The following PXDN variants were observed in gnomAD, a reference collection of about 807,000 sequenced individuals.
PXDN encodes the protein peroxidasin homolog.
PXDN carries 77 observed loss-of-function variants against 140.3 expected under a neutral mutation model. The ratio of observed to expected loss-of-function variants is 0.55; its 90% CI spans 0.46 to 0.66. The LOEUF is 0.66. Ranked by LOEUF, PXDN falls within the 30% of genes least tolerant of loss-of-function variation. The pLI, the probability that PXDN is intolerant of heterozygous loss-of-function variation, is 0.00. For missense variants in PXDN, 1,838 were observed against 2,039.5 expected (o/e 0.90, Z 1.90); for synonymous variants, 911 against 857.4 (o/e 1.06, Z -1.09).
At position 1,636,512 on chromosome 2, in the gene PXDN, A is replaced by C. The variant is rs564121940; in HGVS notation, c.4207-991T>G. Reference sequence around the variant, plus strand: ...AAAAAGGTGGACGTCCCCTCACCGTACCATCTGCATTTCATAATGACAGCT... The same window carrying C: ...AAAAAGGTGGACGTCCCCTCACCGTCCCATCTGCATTTCATAATGACAGCT... On this transcript the variant is annotated intron_variant, in intron 21 of 22. Coordinates refer to ENST00000252804, the MANE Select transcript of PXDN (RefSeq NM_012293.3). 2.0e-5 allele frequency: 3 copies of C among 152,288 alleles called. No individual in the cohort carries two copies. The East Asian group carries it at 5.8e-4, about 29-fold the overall frequency. 9.4% of individuals were successfully genotyped at this position (152,288 alleles called of 1,614,324 possible). A position where few individuals can be genotyped will look rare whatever the true frequency, so the allele number is the denominator to read the frequency against.
In PXDN at chr2:1,648,662, C is replaced by G; in HGVS notation, c.3118G>C (p.Gly1040Arg). ...TYQHWLPKIL[G>R]EVGMRTLGEY... is the part of the protein sequence containing the mutation. ...CCCAGCGTCCTCATGCCCACCTCCC[C>G]CAGGATCTTCGGGAGCCAGTGCTGG... is the stretch of plus-strand genomic sequence containing the variant. The change falls in exon 17 of 23, where the codon GGG becomes CGG. Residue 1040 changes from glycine (G) to arginine (R), a missense_variant. Physicochemically the swap from Gly to Arg is moderately radical, Grantham distance 125. Coordinates refer to ENST00000252804, the MANE Select transcript of PXDN (RefSeq NM_012293.3). The surrounding 1 kb of genome is among the most constrained non-coding windows in gnomAD (Gnocchi z 8.9). The G allele has an allele frequency of 1.2e-6, 2 of 1,609,048 alleles. No individual in the cohort carries two copies. Among genetic ancestry groups the G allele is most frequent in the Non-Finnish European group, 1.7e-6 (2 of 1,178,134 alleles).
intron 21 of PXDN, 142 bp downstream of exon 21, chr2:1,638,703 AC>A: frequency 7.7e-7 from 1 of 1,304,784 alleles, no homozygotes; most frequent in Middle Eastern, 2.7e-4. Flanking sequence ...CAGAAATGAC[AC>A]CCCCAAGGCT....
rs763178030 is a variant in PXDN, at chr2:1,684,167, G to GA, written c.417-17dup. On this transcript the variant is annotated splice_polypyrimidine_tract_variant and intron_variant, in intron 4 of 22. Coordinates refer to ENST00000252804, the MANE Select transcript of PXDN (RefSeq NM_012293.3). The stretch of plus-strand genomic sequence containing the variant: ...GTGCAGGTATCTAGAGGAGTTAAAA[G>GA]AAAAAAAAGTATAACTTACAATTTA... 39 of 1,544,404 alleles carry GA rather than the reference G, an allele frequency of 2.5e-5. No individual in the cohort carries two copies. The highest frequency in any genetic ancestry group is 4.9e-5 in the South Asian group (4 of 82,206).
At chr2:1,692,637 C>T (rs545555871) in intron 2 of PXDN, 73 of 472,696 alleles carry the variant, frequency 1.5e-4, no homozygotes, top group African/African-American at 1.4e-3. Context: ...CCTGCCTGCT[C>T]CCTCCAGGCA....
Position 1,679,162 on chromosome 2 carries a change from GGTGA to G in PXDN, c.730+1027_730+1030del, listed in dbSNP as rs370349995. Among the ~76,000 whole-genome samples the G allele has an allele frequency of 4.4e-3, 654 of 149,776 alleles. 8 individuals carry two copies. Among genetic ancestry groups the G allele is most frequent in the African/African-American group, 0.014 (583 of 40,608 alleles). ...GTGGATGGTGTGTGCATGTGTGTGT[GGTGA>G]GTGTGTGGTGTGTGCGTGTATGTGC... is the stretch of plus-strand genomic sequence containing the variant. On this transcript the variant is annotated intron_variant, in intron 7 of 22. Coordinates refer to ENST00000252804, the MANE Select transcript of PXDN (RefSeq NM_012293.3).
chr2:1,643,240 T>C, intron 19 of PXDN, 128 bp downstream of exon 19: 1 of 1,008,712 alleles, frequency 9.9e-7, no homozygotes, highest in Non-Finnish European at 1.4e-6. Flanking sequence ...ACGATTTAAA[T>C]CTAAAGCTGA....
Position 1,680,032 on chromosome 2 carries a change from CGT to C in PXDN, c.730+159_730+160del, listed in dbSNP as rs1170375025. On this transcript the variant is annotated intron_variant, in intron 7 of 22. Transcript: ENST00000252804. ...TGTGGATGGTGTATGCGTGTATGTGCGTGTGTGTGGTTTGTGTCTGCGCGTGT... is the reference window on the plus strand; with the variant it reads ...TGTGGATGGTGTATGCGTGTATGTGCGTGTGTGGTTTGTGTCTGCGCGTGT... 5.4e-5 allele frequency among the ~76,000 whole-genome samples: 7 copies of C among 130,418 alleles called. No homozygotes were observed. The East Asian group carries it at 7.1e-4, about 13-fold the overall frequency. 85.6% of individuals were successfully genotyped at this position (130,418 alleles called of 152,430 possible).
At chr2:1,679,753 CGTGT>C (rs1305182812) in intron 7 of PXDN, among the ~76,000 whole-genome samples, 628 of 125,530 alleles carry the variant, frequency 5.0e-3, no homozygotes, top group Non-Finnish European at 7.8e-3. Flanking sequence ...CGTGTATGTG[CGTGT>C]GTGTGGTTTG....
Position 1,719,833 on chromosome 2 carries a change from ATT to A in PXDN, c.200+24421_200+24422del, listed in dbSNP as rs1491195360. On this transcript the variant is annotated intron_variant, in intron 1 of 22. Coordinates refer to ENST00000252804, the MANE Select transcript of PXDN (RefSeq NM_012293.3). ...CCACAGGATGTGTGTACATGCGTGC[ATT>A]GTGTGTGTGTGTGTGTGTGTGTGTG... Among the ~76,000 whole-genome samples the A allele has an allele frequency of 5.8e-3, 540 of 92,552 alleles. 39 individuals are homozygous for A. In the East Asian group the frequency reaches 0.14, roughly 24 times the overall value. 60.7% of individuals were successfully genotyped at this position (92,552 alleles called of 152,430 possible).
At chr2:1,744,644 C>T (rs1219675238), upstream of PXDN, 2 of 474,416 alleles carry the variant, frequency 4.2e-6, no homozygotes, top group Non-Finnish European at 6.4e-6. Flanking sequence ...ACCCGGGGCC[C>T]CAGCGTCCGG....
chr2:1,722,217 T>C (rs1685069888), intron 1 of PXDN, among the ~76,000 whole-genome samples: 2 of 152,188 alleles, frequency 1.3e-5, no homozygotes, highest in South Asian at 4.1e-4. Flanking sequence ...AAGCAGTCCC[T>C]CTTGAAAGCT....
At chr2:1,740,822 C>T (rs1685526389) in intron 1 of PXDN, among the ~76,000 whole-genome samples, 1 of 152,186 alleles carries the variant, frequency 6.6e-6, no homozygotes. Context: ...GTGAGAAAAA[C>T]TGAGAATGAG....
chr2:1,734,631 G>C (rs1011535937), intron 1 of PXDN, among the ~76,000 whole-genome samples: 5 of 152,154 alleles, frequency 3.3e-5, no homozygotes, highest in African/African-American at 1.2e-4. Context: ...CACTTTGGGA[G>C]GCCAAGGCGG....
intron 1 of PXDN, among the ~76,000 whole-genome samples, chr2:1,702,039 T>C (rs1684447860): frequency 6.6e-6 from 1 of 152,146 alleles, no homozygotes; most frequent in African/African-American, 2.4e-5. Flanking sequence ...CAGAGACGCC[T>C]GAACGGAGTA....
intron 10 of PXDN, among the ~76,000 whole-genome samples, chr2:1,665,545 C>A (rs1683415208): frequency 6.6e-6 from 1 of 152,122 alleles, no homozygotes; most frequent in South Asian, 2.1e-4. Flanking sequence ...AAAGTAACAG[C>A]CACAAAAAAA....
chr2:1,705,173 G>C (rs1486132359), intron 1 of PXDN, among the ~76,000 whole-genome samples: 1 of 150,986 alleles, frequency 6.6e-6, no homozygotes, highest in Non-Finnish European at 1.5e-5. Context: ...GGAGCCGTGA[G>C]AGCAGAGCAT....
At chr2:1,733,748 CAAAAAAA>C (rs72208257) in intron 1 of PXDN, among the ~76,000 whole-genome samples, 2 of 79,246 alleles carry the variant, frequency 2.5e-5, no homozygotes, top group Non-Finnish European at 4.4e-5. Context: ...TGTCAAATGA[CAAAAAAA>C]AAAAAAAAAA....
At chr2:1,674,936 C>G (rs1405093428) in intron 8 of PXDN, among the ~76,000 whole-genome samples, 1 of 152,204 alleles carries the variant, frequency 6.6e-6, no homozygotes, top group African/African-American at 2.4e-5. Context: ...AGCACCAGCA[C>G]TGTGCAAAAG....
intron 14 of PXDN, among the ~76,000 whole-genome samples, chr2:1,658,031 T>TGG (rs1558494211): frequency 1.1e-3 from 3 of 2,640 alleles, no homozygotes; most frequent in Non-Finnish European, 1.6e-3. Context: ...CTGTGGGCTC[T>TGG]CTCTCTCTCT....
Sources: gnomAD v4.1 joint callset for allele counts (sites outside exome capture counted in the v4.1 genomes callset) on GRCh38, gnomAD v4.1.1 for gene constraint, Gnocchi (gnomAD v3.1) non-coding constraint, MANE v1.5 for transcripts, NCBI Gene and HGNC (gene_info 2026-07-23, HGNC 2026-07-21) for gene names.